Variants in NUDCD2 observed in about 807,000 individuals in gnomAD.
NUDCD2 encodes nudC domain-containing protein 2.
Under a neutral mutation model 20.8 loss-of-function variants are expected in NUDCD2, and 16 were observed. That is an observed-to-expected ratio of 0.77 (90% CI 0.52 to 1.17). The LOEUF (loss-of-function observed/expected upper bound fraction) is 1.17, where lower values mean the gene tolerates loss of function less well. Ranked by LOEUF, NUDCD2 falls within the 50% of genes most tolerant of loss-of-function variation. The pLI is 0.00. For synonymous variants in NUDCD2, 87 were observed against 72.8 expected (o/e 1.20, Z -1.00); for missense variants, 199 against 193.9 (o/e 1.03, Z -0.16).
chr5:163,457,010 T>G lies in NUDCD2; in HGVS notation c.309A>C (p.Leu103=). ...KRDAANCWTS[L]LESEYAADPW... is the part of the protein sequence containing the mutation. Reference sequence around the variant, plus strand: ...GATCCGCTGCATATTCAGATTCTAGTAGAGAAGTCCAACAATTTGCTGCAT... The same window carrying G: ...GATCCGCTGCATATTCAGATTCTAGGAGAGAAGTCCAACAATTTGCTGCAT... The change falls in exon 3 of 4, where the codon CTA becomes CTC. Residue 103 remains leucine (L), a synonymous_variant. Coordinates refer to ENST00000302764, the MANE Select transcript of NUDCD2 (RefSeq NM_145266.6). 6.8e-6 allele frequency: 11 copies of G among 1,613,654 alleles called. No homozygotes were observed. The highest frequency in any genetic ancestry group is 9.3e-6 in the Non-Finnish European group (11 of 1,179,750).
chr5:163,450,588 G>C lies in NUDCD2; in HGVS notation c.*3379C>G, dbSNP rs1758154111. 4 of 152,170 alleles carry C rather than the reference G, an allele frequency of 2.6e-5. No individual in the cohort carries two copies. Among genetic ancestry groups the C allele is most frequent in the Admixed American group, 2.6e-4 (4 of 15,280 alleles). 9.4% of individuals were successfully genotyped at this position (152,170 alleles called of 1,614,324 possible). A position where few individuals can be genotyped will look rare whatever the true frequency, so the allele number is the denominator to read the frequency against. ...AGAAAGAATGCTCAACATAGTATCAGAGAATAGCAAACCAAAACTAGATAG... is the reference window on the plus strand; with the variant it reads ...AGAAAGAATGCTCAACATAGTATCACAGAATAGCAAACCAAAACTAGATAG... On this transcript the variant is annotated 3_prime_UTR_variant, in exon 4 of 4. Transcript: ENST00000302764.
At chr5:163,457,444 C>A in intron 2 of NUDCD2, 118 bp downstream of exon 2, 1 of 696,410 alleles carries the variant, frequency 1.4e-6, no homozygotes, top group Non-Finnish European at 2.5e-6. Context: ...CGGTTTTCAA[C>A]ACATTTCTAT....
rs1413128960 is a variant in NUDCD2, at chr5:163,446,530, TTGTATAATTTTTAATCAAAACTATATGC to T, written c.*7409_*7436del. On this transcript the variant is annotated 3_prime_UTR_variant, in exon 4 of 4. Transcript: ENST00000302764. The stretch of plus-strand genomic sequence containing the variant: ...ATTAATTGGACTCAAGTGAAATTGC[TTGTATAATTTTTAATCAAAACTATATGC>T]TGGCCACATTAACTTCTGTGCTGTC... 1 of 152,236 alleles carries T rather than the reference TTGTATAATTTTTAATCAAAACTATATGC, an allele frequency of 6.6e-6. No individual in the cohort carries two copies. The highest frequency in any genetic ancestry group is 1.5e-5 in the Non-Finnish European group (1 of 68,040). The allele number at this position is 152,236 out of a possible 1,614,324, so 9.4% of individuals were successfully genotyped here. A position where few individuals can be genotyped will look rare whatever the true frequency, so the allele number is the denominator to read the frequency against.
At chr5:163,457,662 A>C (rs745830380) in intron 1 of NUDCD2, 52 bp from the exon 2 acceptor site, 1 of 1,145,042 alleles carries the variant, frequency 8.7e-7, no homozygotes, top group Admixed American at 1.8e-5. Context: ...ATTTTTATAA[A>C]GTTTTCATGA....
chr5:163,455,988 C>A (rs184904123), intron 3 of NUDCD2, among the ~76,000 whole-genome samples: 29 of 152,160 alleles, frequency 1.9e-4, no homozygotes, highest in African/African-American at 6.5e-4. Context: ...AGATGAGTCC[C>A]AATTTTTTTT....
rs1036381874 is a variant in NUDCD2 at position 163,453,792 on chromosome 5, C to T, written c.*175G>A. ...TACCATATATCCATAGAATAGTTCC[C>T]ACAGTACATTTCCTATGTAAATTAT... On this transcript the variant is annotated 3_prime_UTR_variant, in exon 4 of 4. Coordinates refer to ENST00000302764, the MANE Select transcript of NUDCD2 (RefSeq NM_145266.6). 7 of 417,892 alleles carry T rather than the reference C, an allele frequency of 1.7e-5. No homozygotes were observed. The highest frequency in any genetic ancestry group is 1.4e-4 in the African/African-American group (7 of 48,770). 25.9% of individuals were successfully genotyped at this position (417,892 alleles called of 1,614,324 possible).
chr5:163,454,576 G>A (rs1197208696), intron 3 of NUDCD2, among the ~76,000 whole-genome samples: 6 of 152,110 alleles, frequency 3.9e-5, no homozygotes, highest in East Asian at 1.9e-4. Flanking sequence ...CCCAACCTCC[G>A]GTGATCCGCC....
chr5:163,460,000 C>A lies in NUDCD2; in HGVS notation c.51G>T (p.Pro17=). The A allele has an allele frequency of 6.2e-7, 1 of 1,612,986 alleles. No individual in the cohort carries two copies. The highest frequency in any genetic ancestry group is 8.5e-7 in the Non-Finnish European group (1 of 1,179,532). The change falls in exon 1 of 4, where the codon CCG becomes CCT. Residue 17 remains proline (P), a synonymous_variant. Coordinates refer to ENST00000302764, the MANE Select transcript of NUDCD2 (RefSeq NM_145266.6). ...CCAAGGTCTGGTACCACTGGCCCCACGGGGTCCCGCACGGTACCACCCCAC... is the reference window on the plus strand; with the variant it reads ...CCAAGGTCTGGTACCACTGGCCCCAAGGGGTCCCGCACGGTACCACCCCAC... The part of the protein sequence containing the change: ...ERSGVVPCGT[P]WGQWYQTLEE...
rs1307754994 is a variant in NUDCD2 at position 163,449,576 on chromosome 5, C to T, written c.*4391G>A. ...ATACAGAGTAGCTAATTCTAAAATTCATATGGAAGGCAAAGAAACTAAATT... is the reference window on the plus strand; with the variant it reads ...ATACAGAGTAGCTAATTCTAAAATTTATATGGAAGGCAAAGAAACTAAATT... On this transcript the variant is annotated 3_prime_UTR_variant, in exon 4 of 4. Transcript: ENST00000302764. 6.6e-6 allele frequency: 1 copy of T among 152,092 alleles called. No homozygotes were observed. The highest frequency in any genetic ancestry group is 1.5e-5 in the Non-Finnish European group (1 of 68,012). 9.4% of individuals were successfully genotyped at this position (152,092 alleles called of 1,614,324 possible).
Position 163,453,892 on chromosome 5 carries a change from T to A in NUDCD2, c.*75A>T. The A allele has an allele frequency of 1.4e-6, 1 of 727,838 alleles. No homozygotes were observed. Among genetic ancestry groups the A allele is most frequent in the East Asian group, 2.9e-5 (1 of 34,716 alleles). 45.1% of individuals were successfully genotyped at this position (727,838 alleles called of 1,614,324 possible). A position where few individuals can be genotyped will look rare whatever the true frequency, so the allele number is the denominator to read the frequency against. The stretch of plus-strand genomic sequence containing the variant: ...TAACTGTAGGCATCCGCATTTTTCT[T>A]CCATTACATAATCTGTTTATCTGAT... On this transcript the variant is annotated 3_prime_UTR_variant, in exon 4 of 4. Coordinates refer to ENST00000302764, the MANE Select transcript of NUDCD2 (RefSeq NM_145266.6).
At chr5:163,459,230 A>C (rs185893225) in intron 1 of NUDCD2, 166 of 152,254 alleles carry the variant, frequency 1.1e-3, no homozygotes, top group African/African-American at 3.9e-3. Flanking sequence ...TCAACCTGTT[A>C]GTTTAATTAT....
At chr5:163,454,127 A>G (rs941653049) in intron 3 of NUDCD2, 77 bp from the exon 4 acceptor site, 2 of 670,952 alleles carry the variant, frequency 3.0e-6, no homozygotes, top group Non-Finnish European at 4.9e-6. Flanking sequence ...AATTGATAAA[A>G]AAGGATATAT....
chr5:163,459,909 G>A lies in NUDCD2; in HGVS notation c.142C>T (p.Gln48Ter), dbSNP rs368766985. The A allele has an allele frequency of 2.5e-6, 4 of 1,612,144 alleles. No homozygotes were observed. Among genetic ancestry groups the A allele is most frequent in the East Asian group, 4.5e-5 (2 of 44,724 alleles). ...ACCGACAGCGCCACATGCCGGCTCT[G>A]GAGGCCGCACTGGATATCCTGGGCG... Reference protein sequence around the residue: ...TRAQDIQCGLQSRHVALSVGG... With the variant: ...TRAQDIQCGL The change falls in exon 1 of 4, where the codon CAG becomes TAG. Residue 48 changes from glutamine to a stop codon, truncating the protein, a stop_gained. Transcript: ENST00000302764. LOFTEE classifies it high-confidence loss of function.
At position 163,454,003 on chromosome 5, in the gene NUDCD2, A is replaced by G. The variant is rs1388792861; in HGVS notation, c.438T>C (p.Thr146=). The G allele has an allele frequency of 6.4e-7, 1 of 1,563,154 alleles. No individual in the cohort carries two copies. Residue 146 remains threonine, a synonymous_variant, in exon 4 of 4, where the codon ACT becomes ACC. Coordinates refer to ENST00000302764, the MANE Select transcript of NUDCD2 (RefSeq NM_145266.6). ...GGTTTGAGAAATCTGGTCCACCTTT[A>G]GTGTAGTTTCCTGAGATTTCTGCTC... ...FSGAEISGNY[T]KGGPDFSNLE... is the part of the protein sequence containing the mutation.
Position 163,459,971 on chromosome 5 carries a change from T to C in NUDCD2, c.80A>G (p.Glu27Gly), listed in dbSNP as rs143635756. 3.7e-6 allele frequency: 6 copies of C among 1,612,612 alleles called. No individual in the cohort carries two copies. The African/African-American group carries it at 5.4e-5, about 14-fold the overall frequency. Residue 27 changes from glutamate (E) to glycine (G), a missense_variant, in exon 1 of 4, where the codon GAG becomes GGG. By Grantham distance (98) the Glu-to-Gly change is moderately conservative (BLOSUM62 -2). Transcript: ENST00000302764. Reference protein sequence around the residue: ...PWGQWYQTLEEVFIEVQVPPG... With the variant: ...PWGQWYQTLEGVFIEVQVPPG... ...CGGCACCTGAACTTCAATGAACACC[T>C]CCTCCAAGGTCTGGTACCACTGGCC... is the stretch of plus-strand genomic sequence containing the variant.
chr5:163,447,114 A>G lies in NUDCD2; in HGVS notation c.*6853T>C, dbSNP rs1259900836. 2 of 152,244 alleles carry G rather than the reference A, an allele frequency of 1.3e-5. No homozygotes were observed. Among genetic ancestry groups the G allele is most frequent in the African/African-American group, 2.4e-5 (1 of 41,466 alleles). 9.4% of individuals were successfully genotyped at this position (152,244 alleles called of 1,614,324 possible). The stretch of plus-strand genomic sequence containing the variant: ...TTATATAATGATAAAATTCACCAAG[A>G]CAGTGCTAAAAGTGTAAGCACTTAT... On this transcript the variant is annotated 3_prime_UTR_variant, in exon 4 of 4. Transcript: ENST00000302764.
At chr5:163,455,036 G>A (rs1409681932) in intron 3 of NUDCD2, among the ~76,000 whole-genome samples, 2 of 151,674 alleles carry the variant, frequency 1.3e-5, no homozygotes, top group Non-Finnish European at 2.9e-5. Flanking sequence ...AAACAAATGA[G>A]CATATACGTA....
intron 3 of NUDCD2, 63 bp downstream of exon 3, chr5:163,456,866 A>C (rs1758324126): frequency 2.7e-6 from 3 of 1,131,744 alleles, no homozygotes; most frequent in Non-Finnish European, 3.5e-6. Context: ...TTTAATTTCA[A>C]ATATTTATTT....
In NUDCD2 at chr5:163,453,385, T is replaced by C. The variant is rs1758227315; in HGVS notation, c.*582A>G. 1 of 152,246 alleles carries C rather than the reference T, an allele frequency of 6.6e-6. No individual in the cohort carries two copies. The highest frequency in any genetic ancestry group is 2.4e-5 in the African/African-American group (1 of 41,452). 9.4% of individuals were successfully genotyped at this position (152,246 alleles called of 1,614,324 possible). On this transcript the variant is annotated 3_prime_UTR_variant, in exon 4 of 4. Transcript: ENST00000302764. Reference sequence around the variant, plus strand: ...TCTCTTTTGTGTTAATCCACTTCTATTGTTAGGGTTTTAACTATTTTTAAA... The same window carrying C: ...TCTCTTTTGTGTTAATCCACTTCTACTGTTAGGGTTTTAACTATTTTTAAA...
Sources: gnomAD v4.1 joint callset for allele counts (sites outside exome capture counted in the v4.1 genomes callset) on GRCh38, gnomAD v4.1.1 for gene constraint, MANE v1.5 for transcripts, NCBI Gene and HGNC (gene_info 2026-07-23, HGNC 2026-07-21) for gene names.